FARP1: variants seen among roughly 807,000 people sequenced by gnomAD.
The protein encoded by FARP1 is FERM, ARH/RhoGEF and pleckstrin domain protein 1.
A neutral mutation model predicts 128.8 loss-of-function variants in FARP1; 52 were observed. The ratio of observed to expected loss-of-function variants is 0.40; its 90% CI spans 0.32 to 0.51. The LOEUF is 0.51. Ranked by LOEUF, FARP1 falls within the 20% of genes least tolerant of loss-of-function variation. The probability of loss-of-function intolerance (pLI) is 0.45; values close to 1 mark genes in which losing one functional copy is unlikely to be tolerated. For missense variants in FARP1, 1,333 were observed against 1,367.9 expected, an observed-to-expected ratio of 0.97 and a Z score of 0.40; for synonymous variants, 580 against 551.8, an observed-to-expected ratio of 1.05 and a Z score of -0.72.
intron 13 of FARP1, chr13:98,397,517 T>C (rs1372685476): frequency 1.3e-5 from 2 of 152,272 alleles, no homozygotes; most frequent in Non-Finnish European, 2.9e-5. Flanking sequence ...GATTGACTTC[T>C]TTTTAAATCT....
intron 2 of FARP1, among the ~76,000 whole-genome samples, chr13:98,245,837 C>T (rs1157847758): frequency 1.3e-5 from 2 of 151,916 alleles, no homozygotes; most frequent in Admixed American, 6.6e-5. Context: ...GGTGCGATCT[C>T]GGCTCACAGC....
chr13:98,363,315 A>G (rs1349747618), intron 3 of FARP1, among the ~76,000 whole-genome samples: 1 of 152,084 alleles, frequency 6.6e-6, no homozygotes, highest in Non-Finnish European at 1.5e-5. Flanking sequence ...GCACAGGGTC[A>G]TTTTCAGGGA....
At chr13:98,313,087 T>C in intron 2 of FARP1, among the ~76,000 whole-genome samples, 1 of 150,872 alleles carries the variant, frequency 6.6e-6, no homozygotes, top group Non-Finnish European at 1.5e-5. Flanking sequence ...GTGAAGTCAC[T>C]CTGGAATCGG....
At chr13:98,434,720 TGTG>T (rs1319192779) in intron 18 of FARP1, 4 of 152,182 alleles carry the variant, frequency 2.6e-5, no homozygotes, top group Admixed American at 2.0e-4. Flanking sequence ...AAAGGCCTGA[TGTG>T]GTGGCTCATG....
chr13:98,389,537 G>GT (rs1890226851), intron 9 of FARP1: 2 of 155,096 alleles, frequency 1.3e-5, no homozygotes, highest in Non-Finnish European at 2.9e-5. Flanking sequence ...GAGAAACGAC[G>GT]TAAGAGCCAA....
At chr13:98,142,623 G>A (rs1195669610), upstream of FARP1, 1 of 152,230 alleles carries the variant, frequency 6.6e-6, no homozygotes, top group African/African-American at 2.4e-5. Context: ...GGGAGGGGAG[G>A]GCTCGGTGGG....
intron 1 of FARP1, among the ~76,000 whole-genome samples, chr13:98,165,710 GTTTTTTT>G (rs71111927): frequency 1.3e-4 from 10 of 74,118 alleles, no homozygotes; most frequent in South Asian, 5.7e-4. Context: ...TCCAGAAGGG[GTTTTTTT>G]TTTTTTTTTT....
intron 6 of FARP1, among the ~76,000 whole-genome samples, chr13:98,381,907 C>A (rs1306263262): frequency 6.6e-6 from 1 of 152,114 alleles, no homozygotes; most frequent in Non-Finnish European, 1.5e-5. Flanking sequence ...AATCCCAGCG[C>A]TTTGGGAGAC....
intron 2 of FARP1, among the ~76,000 whole-genome samples, chr13:98,327,006 CA>C (rs1209978928): frequency 6.6e-6 from 1 of 152,220 alleles, no homozygotes; most frequent in Non-Finnish European, 1.5e-5. Flanking sequence ...TGAGTACACG[CA>C]ATTGGTAGAA....
At chr13:98,267,723 A>G (rs1884194865) in intron 2 of FARP1, among the ~76,000 whole-genome samples, 1 of 152,130 alleles carries the variant, frequency 6.6e-6, no homozygotes, top group African/African-American at 2.4e-5. Flanking sequence ...GCAGCCGCGG[A>G]CCTCAGGCCT....
chr13:98,318,966 T>TTG lies in FARP1; in HGVS notation c.172-24795_172-24794insGT, dbSNP rs1555337152. On this transcript the variant is annotated intron_variant, in intron 2 of 26. Transcript: ENST00000319562. ...TTTTTTCTTGTTTTTTTTTTTTTTT[T>TTG]TTTGTTTGTTTGTTTTGACAGGATC... Among the ~76,000 whole-genome samples the TTG allele has an allele frequency of 3.0e-4, 43 of 141,784 alleles. 1 individual carries two copies. The East Asian group carries it at 3.8e-3, about 12-fold the overall frequency. 93.0% of individuals were successfully genotyped at this position (141,784 alleles called of 152,430 possible).
chr13:98,290,054 CT>C (rs57453120), intron 2 of FARP1, among the ~76,000 whole-genome samples: 625 of 136,116 alleles, frequency 4.6e-3, no homozygotes, highest in African/African-American at 4.1e-3. Context: ...GGAGATTTAT[CT>C]TTTTTTTTTT....
chr13:98,421,740 C>A (rs1347400872), intron 16 of FARP1, among the ~76,000 whole-genome samples: 1 of 152,040 alleles, frequency 6.6e-6, no homozygotes, highest in East Asian at 1.9e-4. Flanking sequence ...CCTCTAGTGG[C>A]TACTCAGGAG....
intron 2 of FARP1, among the ~76,000 whole-genome samples, chr13:98,231,056 G>GC (rs962026865): frequency 1.7e-3 from 260 of 151,612 alleles, no homozygotes; most frequent in South Asian, 4.4e-3. Flanking sequence ...GGGGGGAACT[G>GC]CCCCCCCCAT....
At chr13:98,237,991 CTAA>C (rs59376220) in intron 2 of FARP1, among the ~76,000 whole-genome samples, 16,981 of 151,914 alleles carry the variant, frequency 0.11, 1,726 homozygotes, top group East Asian at 0.44. Context: ...CCTATAGACT[CTAA>C]TAATATGATT....
At position 98,446,171 on chromosome 13, in the gene FARP1, C is replaced by T. The variant is rs951847519; in HGVS notation, c.2870C>T (p.Thr957Ile). The change falls in exon 25 of 27, where the codon ACA becomes ATA. Residue 957 changes from threonine (T) to isoleucine (I), a missense_variant. By Grantham distance (89) the Thr-to-Ile change is moderately conservative. Coordinates refer to ENST00000319562, the MANE Select transcript of FARP1 (RefSeq NM_005766.4). ...TGGCAGAAGCTGTGGGTGGTGTTCA[C>T]AAACTTCTGCCTGTTCTTCTACAAA... The part of the protein sequence containing the change: ...NGWQKLWVVF[T>I]NFCLFFYKSH... The T allele has an allele frequency of 1.9e-6, 3 of 1,613,740 alleles. No homozygotes were observed. Among genetic ancestry groups the T allele is most frequent in the African/African-American group, 1.3e-5 (1 of 75,066 alleles).
At position 98,440,244 on chromosome 13, in the gene FARP1, G is replaced by C; in HGVS notation, c.2629+9G>C. ...CAGCCCCCCTGACAACAGTGAGTGT[G>C]GCCAGGGCAGCTTTCCCATGCAGGG... On this transcript the variant is annotated intron_variant, in intron 23 of 26. Coordinates refer to ENST00000319562, the MANE Select transcript of FARP1 (RefSeq NM_005766.4). The C allele has an allele frequency of 6.3e-7, 1 of 1,599,046 alleles. No individual in the cohort carries two copies. Among genetic ancestry groups the C allele is most frequent in the South Asian group, 1.1e-5 (1 of 90,796 alleles).
intron 16 of FARP1, among the ~76,000 whole-genome samples, chr13:98,421,270 G>T (rs888609313): frequency 6.6e-6 from 1 of 152,122 alleles, no homozygotes; most frequent in Non-Finnish European, 1.5e-5. Flanking sequence ...ATAAATAGTT[G>T]GCAAAAGAAT....
intron 5 of FARP1, among the ~76,000 whole-genome samples, chr13:98,368,639 C>T (rs1008899762): frequency 1.6e-4 from 25 of 152,188 alleles, no homozygotes; most frequent in Admixed American, 6.5e-4. Context: ...GACCTGGCTT[C>T]GGCCACCATC....
Sources: gnomAD v4.1 joint callset for allele counts (sites outside exome capture counted in the v4.1 genomes callset) on GRCh38, gnomAD v4.1.1 for gene constraint, MANE v1.5 for transcripts, NCBI Gene and HGNC (gene_info 2026-07-23, HGNC 2026-07-21) for gene names.